Variants in DVL2 observed in about 807,000 individuals in gnomAD.
DVL2 encodes dishevelled segment polarity protein 2, also known as segment polarity protein dishevelled homolog DVL-2.
A neutral mutation model predicts 69.8 loss-of-function variants in DVL2; 38 were observed. That is an observed-to-expected ratio of 0.54 (90% confidence interval 0.42 to 0.71). The LOEUF (loss-of-function observed/expected upper bound fraction) is 0.71. Among genes scored for constraint, DVL2 ranks in the 30% least tolerant of loss-of-function variants. The pLI, the probability that DVL2 is intolerant of heterozygous loss-of-function variation, is 0.00. For missense variants in DVL2, 931 were observed against 1,008.1 expected, an observed-to-expected ratio of 0.92 and a Z score of 1.04; for synonymous variants, 428 against 392.4, an observed-to-expected ratio of 1.09 and a Z score of -1.07.
chr17:7,229,758 G>T lies in DVL2; in HGVS notation c.656+50C>A, dbSNP rs374056400. ...AGAGAAAGAACAAGAGGATTGACTG[G>T]AAGACGAGACGGGGCTGGGTGCGCT... On this transcript the variant is annotated intron_variant, in intron 5 of 14. Coordinates refer to ENST00000005340, the MANE Select transcript of DVL2 (RefSeq NM_004422.3). The surrounding 1 kb of genome is among the most constrained non-coding windows in gnomAD (Gnocchi z 4.4). 3 of 1,591,062 alleles carry T rather than the reference G, an allele frequency of 1.9e-6. No homozygotes were observed. The highest frequency in any genetic ancestry group is 2.6e-6 in the Non-Finnish European group (3 of 1,164,460).
Position 7,229,019 on chromosome 17 carries a change from C to T in DVL2, c.984G>A (p.Met328Ile). ...LQVNDMNFEN[M>I]SNDDAVRVLR... is the part of the protein sequence containing the mutation. ...GCACCCGCACAGCGTCATCGTTGCT[C>T]ATGTTCTCAAAGTTCATGTCATTCA... Residue 328 changes from methionine to isoleucine, a missense_variant, in exon 9 of 15, where the codon ATG (methionine) becomes ATA (isoleucine). By Grantham distance (10) the Met-to-Ile change is conservative (BLOSUM62 1). Coordinates refer to ENST00000005340, the MANE Select transcript of DVL2 (RefSeq NM_004422.3). The surrounding 1 kb of genome is among the most constrained non-coding windows in gnomAD (Gnocchi z 4.4). 7 of 1,614,186 alleles carry T rather than the reference C, an allele frequency of 4.3e-6. No homozygotes were observed. Among genetic ancestry groups the T allele is most frequent in the Non-Finnish European group, 5.9e-6 (7 of 1,180,032 alleles).
intron 1 of DVL2, among the ~76,000 whole-genome samples, chr17:7,232,200 T>C (rs2071552856): frequency 6.6e-6 from 1 of 152,180 alleles, no homozygotes; most frequent in Non-Finnish European, 1.5e-5. Context: ...ACTAAATGAA[T>C]AAACGTATAA....
chr17:7,230,686 C>A, intron 2 of DVL2, 42 bp downstream of exon 2: 1 of 1,572,566 alleles, frequency 6.4e-7, no homozygotes. Context: ...GGGAGCTTGG[C>A]AATGCTGAGG....
chr17:7,227,592 G>A (rs2071477328), intron 11 of DVL2, 57 bp from the exon 12 acceptor site: 2 of 1,613,814 alleles, frequency 1.2e-6, no homozygotes, highest in African/African-American at 1.3e-5. Flanking sequence ...AAGGGCAATG[G>A]ATCAGACCAC....
chr17:7,226,330 G>A lies in DVL2; in HGVS notation c.1763-17C>T, dbSNP rs371737565. On this transcript the variant is annotated splice_polypyrimidine_tract_variant and intron_variant, in intron 14 of 14. Coordinates refer to ENST00000005340, the MANE Select transcript of DVL2 (RefSeq NM_004422.3). ...TCCGGCTGCCTGTGGAGGGAGGGGAGGGGCAACTGAGTCCTCACCCAGGCT... is the reference window on the plus strand; with the variant it reads ...TCCGGCTGCCTGTGGAGGGAGGGGAAGGGCAACTGAGTCCTCACCCAGGCT... 7.1e-6 allele frequency: 11 copies of A among 1,548,060 alleles called. No individual in the cohort carries two copies. Among genetic ancestry groups the A allele is most frequent in the Middle Eastern group, 1.7e-4 (1 of 5,748 alleles).
chr17:7,226,514 C>A lies in DVL2; in HGVS notation c.1669G>T (p.Ala557Ser). The A allele has an allele frequency of 6.2e-7, 1 of 1,603,590 alleles. No individual in the cohort carries two copies. The highest frequency in any genetic ancestry group is 8.5e-7 in the Non-Finnish European group (1 of 1,175,226). Residue 557 changes from alanine to serine, a missense_variant, in exon 14 of 15, where the codon GCC (alanine) becomes TCC (serine). By Grantham distance (99) the Ala-to-Ser change is moderately conservative (BLOSUM62 1). This residue lies in a region of DVL2 where 314 missense variants were observed against 313.7 expected (regional missense o/e 1.00). Transcript: ENST00000005340. The stretch of plus-strand genomic sequence containing the variant: ...GGCTGCGGGCTGTAGGGGTGTGGGG[C>A]AGGGTATTGGTAGGAGAAAGTGGGC... The part of the protein sequence containing the change: ...LLPTFSYQYP[A>S]PHPYSPQPPP...
chr17:7,234,061 G>A lies in DVL2; in HGVS notation c.194+8C>T. The stretch of plus-strand genomic sequence containing the variant: ...CCCCCGCCGGTCCTATCTAGGCCTT[G>A]CGCTCACCCGAAATCCTGATCCATA... On this transcript the variant is annotated splice_region_variant and intron_variant, in intron 1 of 14. Coordinates refer to ENST00000005340, the MANE Select transcript of DVL2 (RefSeq NM_004422.3). The A allele has an allele frequency of 6.2e-7, 1 of 1,613,704 alleles. No individual in the cohort carries two copies. Among genetic ancestry groups the A allele is most frequent in the Non-Finnish European group, 8.5e-7 (1 of 1,180,008 alleles).
chr17:7,228,088 G>C, intron 9 of DVL2, 44 bp from the exon 10 acceptor site: 2 of 1,472,824 alleles, frequency 1.4e-6, no homozygotes, highest in Non-Finnish European at 1.8e-6. Context: ...GGGAAGAGGA[G>C]GCCTCAGGAG....
Position 7,226,142 on chromosome 17 carries a change from G to A in DVL2, c.1934C>T (p.Pro645Leu), listed in dbSNP as rs1417567348. The change falls in exon 15 of 15, where the codon CCT becomes CTT. Residue 645 changes from proline to leucine, a missense_variant. Physicochemically the swap from Pro to Leu is moderately conservative, Grantham distance 98. Transcript: ENST00000005340. ...GEASGTSDGG[P>L]PPSRGSTGGA... ...CCCAGTTGAGCCTCTGGATGGAGGAGGGCCCCCATCGCTAGTCCCACTTGC... is the reference window on the plus strand; with the variant it reads ...CCCAGTTGAGCCTCTGGATGGAGGAAGGCCCCCATCGCTAGTCCCACTTGC... 6.2e-7 allele frequency: 1 copy of A among 1,606,352 alleles called. No individual in the cohort carries two copies. The highest frequency in any genetic ancestry group is 1.7e-5 in the Admixed American group (1 of 59,202).
At chr17:7,232,888 G>T (rs1388713148) in intron 1 of DVL2, among the ~76,000 whole-genome samples, 1 of 152,092 alleles carries the variant, frequency 6.6e-6, no homozygotes, top group Admixed American at 6.5e-5. Flanking sequence ...AGAAGTCAGA[G>T]ACCAGTCTGG....
At chr17:7,233,137 C>A in intron 1 of DVL2, among the ~76,000 whole-genome samples, 1 of 148,648 alleles carries the variant, frequency 6.7e-6, no homozygotes. Context: ...AAGGCTCAGC[C>A]CCAAAGACCA....
intron 9 of DVL2, 122 bp downstream of exon 9, chr17:7,228,847 G>T: frequency 1.0e-6 from 1 of 965,848 alleles, no homozygotes; most frequent in Non-Finnish European, 1.6e-6. Context: ...CTCCCAAAGT[G>T]CTGGGTTTAC....
chr17:7,231,313 A>G (rs1326725735), intron 1 of DVL2, among the ~76,000 whole-genome samples: 1 of 151,420 alleles, frequency 6.6e-6, no homozygotes, highest in African/African-American at 2.4e-5. Flanking sequence ...AAATACAAAA[A>G]TTAGCCGGGC....
chr17:7,227,247 G>C lies in DVL2; in HGVS notation c.1386C>G (p.Leu462=). 5.6e-6 allele frequency: 9 copies of C among 1,612,006 alleles called. No homozygotes were observed. The highest frequency in any genetic ancestry group is 7.6e-6 in the Non-Finnish European group (9 of 1,178,616). The change falls in exon 13 of 15, where the codon CTC becomes CTG. Residue 462 remains leucine, a synonymous_variant. Coordinates refer to ENST00000005340, the MANE Select transcript of DVL2 (RefSeq NM_004422.3). ...CAGGAAAGCCCTCCACGTGATGGTAGAGCCAGTCAACCACATCCGAGCCTG... is the reference window on the plus strand; with the variant it reads ...CAGGAAAGCCCTCCACGTGATGGTACAGCCAGTCAACCACATCCGAGCCTG... ...AFLGSDVVDW[L]YHHVEGFPER...
intron 1 of DVL2, among the ~76,000 whole-genome samples, chr17:7,231,654 G>A (rs989520388): frequency 6.6e-6 from 1 of 151,664 alleles, no homozygotes; most frequent in African/African-American, 2.4e-5. Flanking sequence ...CCTGAGGTCA[G>A]GAGTTCAAGA....
intron 1 of DVL2, 65 bp downstream of exon 1, chr17:7,234,004 C>T: frequency 6.5e-7 from 1 of 1,547,372 alleles, no homozygotes; most frequent in Non-Finnish European, 8.9e-7. Context: ...AGACGTGTGC[C>T]CCTCCATGTC....
rs1178103161 is a variant in DVL2, at chr17:7,227,190, C to T, written c.1443G>A (p.Gly481=). Residue 481 remains glycine (G), a synonymous_variant, in exon 13 of 15, where the codon GGG becomes GGA. Transcript: ENST00000005340. The part of the protein sequence containing the change: ...ERREARKYAS[G]LLKAGLIRHT... ...GTCGGATCAGGCCTGCTTTGAGCAG[C>T]CCGCTGGCATACTTGCGGGCCTCCC... The T allele has an allele frequency of 1.9e-6, 3 of 1,614,002 alleles. No individual in the cohort carries two copies. The highest frequency in any genetic ancestry group is 1.7e-6 in the Non-Finnish European group (2 of 1,179,986).
Position 7,228,048 on chromosome 17 carries a change from T to C in DVL2, c.1035-4A>G, listed in dbSNP as rs1223482900. On this transcript the variant is annotated splice_polypyrimidine_tract_variant and splice_region_variant and intron_variant, in intron 9 of 14. Transcript: ENST00000005340. ...GGCCACAGTCAGCACAATGGGGCTA[T>C]GGGGAAGAGAAGTCCAGTCAAGGGC... is the stretch of plus-strand genomic sequence containing the variant. 3.9e-6 allele frequency: 6 copies of C among 1,534,462 alleles called. No homozygotes were observed. The highest frequency in any genetic ancestry group is 4.3e-5 in the Admixed American group (2 of 46,874).
chr17:7,233,954 G>T, intron 1 of DVL2, 115 bp downstream of exon 1: 2 of 1,124,432 alleles, frequency 1.8e-6, no homozygotes, highest in Non-Finnish European at 2.6e-6. Flanking sequence ...AGTACAATCT[G>T]CTCCACCATA....
Sources: allele counts gnomAD v4.1 joint callset (sites outside exome capture counted in the v4.1 genomes callset), GRCh38; gene constraint gnomAD v4.1.1; regional missense constraint gnomAD v4.1.1; non-coding constraint Gnocchi (gnomAD v3.1); transcripts MANE v1.5; gene names NCBI Gene and HGNC (gene_info 2026-07-23, HGNC 2026-07-21).